The following NLRP5 variants were observed in gnomAD, a reference collection of about 807,000 sequenced individuals.
NLRP5 encodes the protein NACHT, LRR and PYD domains-containing protein 5.
Under a neutral mutation model 113.1 loss-of-function variants are expected in NLRP5, and 93 were observed. That is an observed-to-expected ratio of 0.82 (90% CI 0.70 to 0.98). The LOEUF (loss-of-function observed/expected upper bound fraction) is 0.98, where lower values mean the gene tolerates loss of function less well. Among genes scored for constraint, NLRP5 ranks in the 50% least tolerant of loss-of-function variants. NLRP5 has a pLI of 0.00. For synonymous variants in NLRP5, 751 were observed against 600.7 expected (o/e 1.25, Z -3.66); for missense variants, 1,808 against 1,514.3 (o/e 1.19, Z -3.22).
the NLRP5 span, chr19:55,987,715 G>A: frequency 1.9e-3 from 1,606 of 824,514 alleles, 32 homozygotes; most frequent in East Asian, 0.034. Context: ...GGAGGGGTAC[G>A]GTCTGTAGAA....
rs192525555 is a variant in NLRP5 at position 56,034,127 on chromosome 19, G to A, written c.2615+418G>A. 7.8e-3 allele frequency among the ~76,000 whole-genome samples: 1,187 copies of A among 152,146 alleles called. 10 individuals carry two copies. The highest frequency in any genetic ancestry group is 0.023 in the South Asian group (110 of 4,812). On this transcript the variant is annotated intron_variant, in intron 9 of 14. Transcript: ENST00000390649. ...TTCTGGGCCGGGCGCGGTGGCTCAC[G>A]CCTGTAATCCCAGCACTTTGGGAGG...
chr19:56,024,377 G>GTATA (rs145580586), intron 6 of NLRP5, among the ~76,000 whole-genome samples: 2 of 137,152 alleles, frequency 1.5e-5, no homozygotes, highest in Non-Finnish European at 3.1e-5. Flanking sequence ...ATATATATGT[G>GTATA]TATATATAAC....
chr19:56,043,521 TTGTC>T (rs2123326565), intron 11 of NLRP5, among the ~76,000 whole-genome samples: 1 of 148,596 alleles, frequency 6.7e-6, no homozygotes, highest in Admixed American at 6.8e-5. Context: ...ACTCTATGGA[TTGTC>T]TGTTTACTCT....
chr19:56,052,422 C>A (rs1654393), intron 12 of NLRP5, among the ~76,000 whole-genome samples: 15,934 of 152,134 alleles, frequency 0.1, 1,064 homozygotes, highest in Middle Eastern at 0.2. Flanking sequence ...GCACCTGCCA[C>A]CATGCCCAGC....
chr19:56,058,306 G>T lies in NLRP5; in HGVS notation c.3366G>T (p.Arg1122=). 6.2e-7 allele frequency: 1 copy of T among 1,613,880 alleles called. No homozygotes were observed. The highest frequency in any genetic ancestry group is 8.5e-7 in the Non-Finnish European group (1 of 1,179,782). Residue 1122 remains arginine, a synonymous_variant, in exon 14 of 15, where the codon CGG becomes CGT. Coordinates refer to ENST00000390649, the MANE Select transcript of NLRP5 (RefSeq NM_153447.4). The stretch of plus-strand genomic sequence containing the variant: ...TCTCCTTGGCCCTTTCCTGCAACCG[G>T]CATCTGACCAGTCTAAACCTGGTGC...
intron 11 of NLRP5, among the ~76,000 whole-genome samples, chr19:56,041,562 G>A (rs1336845197): frequency 6.6e-6 from 1 of 152,142 alleles, no homozygotes; most frequent in Non-Finnish European, 1.5e-5. Context: ...GCCTGACAAA[G>A]CCTATCTGAC....
At chr19:56,048,310 A>G (rs1983802103) in intron 11 of NLRP5, among the ~76,000 whole-genome samples, 1 of 151,834 alleles carries the variant, frequency 6.6e-6, no homozygotes, top group African/African-American at 2.4e-5. Context: ...TTTAACTTAT[A>G]TTTTTGTTTT....
chr19:56,035,257 C>T (rs1412547495), intron 9 of NLRP5, among the ~76,000 whole-genome samples: 1 of 152,206 alleles, frequency 6.6e-6, no homozygotes, highest in Non-Finnish European at 1.5e-5. Context: ...TGTTAGCTGG[C>T]ACATCAACTA....
intron 6 of NLRP5, among the ~76,000 whole-genome samples, chr19:56,024,440 T>G (rs1195588185): frequency 6.8e-6 from 1 of 146,024 alleles, no homozygotes; most frequent in South Asian, 2.1e-4. Context: ...CACATATACA[T>G]ATATTTATAT....
Position 56,055,747 on chromosome 19 carries a change from G to A in NLRP5, c.3299+1939G>A, listed in dbSNP as rs182692578. ...TTTTTAGTAGAGACGGGGTTTCACC[G>A]TGTTAGCCAGGATGGTCTCAATCTC... On this transcript the variant is annotated intron_variant, in intron 13 of 14. Transcript: ENST00000390649. Among the ~76,000 whole-genome samples, 485 of 151,154 alleles carry A rather than the reference G, an allele frequency of 3.2e-3. 6 individuals carry two copies. Among genetic ancestry groups the A allele is most frequent in the Admixed American group, 0.015 (234 of 15,202 alleles).
At chr19:56,054,719 G>GT (rs1234611719) in intron 13 of NLRP5, among the ~76,000 whole-genome samples, 5 of 152,110 alleles carry the variant, frequency 3.3e-5, no homozygotes, top group Non-Finnish European at 7.3e-5. Context: ...CGTACATAAA[G>GT]TAGAGGGGTT....
chr19:56,013,659 T>G (rs376788619), intron 3 of NLRP5, among the ~76,000 whole-genome samples: 3 of 145,546 alleles, frequency 2.1e-5, no homozygotes, highest in East Asian at 4.1e-4. Context: ...ACGTGTGTGT[T>G]TGTGTAGATG....
intron 3 of NLRP5, among the ~76,000 whole-genome samples, chr19:56,011,158 A>AAATATATATATATATAT (rs372922763): frequency 3.4e-5 from 5 of 145,220 alleles, no homozygotes; most frequent in African/African-American, 1.2e-4. Flanking sequence ...GTCTTTAAAA[A>AAATATATATATATATAT]ATATATATAC....
rs764104735 is a variant in NLRP5, at chr19:56,027,901, C to T, written c.1668C>T (p.Leu556=). Reference sequence around the variant, plus strand: ...GTGACGACCTCATGGTTCAAGGACTCGGGGAGTCTGAGCTCCGTGCTCTGT... The same window carrying T: ...GTGACGACCTCATGGTTCAAGGACTTGGGGAGTCTGAGCTCCGTGCTCTGT... The change falls in exon 7 of 15, where the codon CTC becomes CTT. Residue 556 remains leucine (L), a synonymous_variant. Coordinates refer to ENST00000390649, the MANE Select transcript of NLRP5 (RefSeq NM_153447.4). The T allele has an allele frequency of 5.6e-6, 9 of 1,613,646 alleles. No individual in the cohort carries two copies. Among genetic ancestry groups the T allele is most frequent in the East Asian group, 4.5e-5 (2 of 44,872 alleles).
At chr19:56,039,384 G>A (rs565698536) in intron 10 of NLRP5, among the ~76,000 whole-genome samples, 5 of 152,282 alleles carry the variant, frequency 3.3e-5, no homozygotes, top group African/African-American at 4.8e-5. Context: ...CTCCCATTCT[G>A]GACAGCACAG....
At chr19:55,991,179 A>G in the NLRP5 span, among the ~76,000 whole-genome samples, 1 of 152,134 alleles carries the variant, frequency 6.6e-6, no homozygotes, top group African/African-American at 2.4e-5. Context: ...CTTTTATACC[A>G]TTCGATTGAG....
rs1221176845 is a variant in NLRP5 at position 56,027,717 on chromosome 19, A to G, written c.1484A>G (p.Asn495Ser). 1.2e-6 allele frequency: 2 copies of G among 1,613,642 alleles called. No homozygotes were observed. Among genetic ancestry groups the G allele is most frequent in the Admixed American group, 1.7e-5 (1 of 59,996 alleles). The stretch of plus-strand genomic sequence containing the variant: ...GTGGGGGAGAGCGTCGCCCCCTTCA[A>G]CCAAACGCTCACAGGCCTGCACGCC... The change falls in exon 7 of 15, where the codon AAC (asparagine) becomes AGC (serine). Residue 495 changes from asparagine to serine, a missense_variant. Coordinates refer to ENST00000390649, the MANE Select transcript of NLRP5 (RefSeq NM_153447.4).
chr19:56,048,455 G>A (rs1281355018), intron 11 of NLRP5, among the ~76,000 whole-genome samples: 1 of 152,090 alleles, frequency 6.6e-6, no homozygotes, highest in African/African-American at 2.4e-5. Flanking sequence ...GTCTGAAAAA[G>A]ACTGTATCTT....
At chr19:56,057,071 G>A (rs1984182152) in intron 13 of NLRP5, among the ~76,000 whole-genome samples, 1 of 152,194 alleles carries the variant, frequency 6.6e-6, no homozygotes, top group Admixed American at 6.5e-5. Flanking sequence ...GGGAGGTGGA[G>A]GTCGCAGTGA....
Sources: gnomAD v4.1 joint callset for allele counts (sites outside exome capture counted in the v4.1 genomes callset) on GRCh38, gnomAD v4.1.1 for gene constraint, MANE v1.5 for transcripts, NCBI Gene and HGNC (gene_info 2026-07-23, HGNC 2026-07-21) for gene names.